Variants in SYT9 observed in about 807,000 individuals in gnomAD.
SYT9 encodes the protein synaptotagmin 9, also known as synaptotagmin-9.
In SYT9, 22 loss-of-function variants were observed where a neutral mutation model predicts 48.4. The ratio of observed to expected loss-of-function variants is 0.45; its 90% confidence interval spans 0.32 to 0.65. SYT9 has a LOEUF of 0.65. SYT9 is among the 30% of genes least tolerant of loss of function. The pLI is 0.03. For synonymous variants in SYT9, 265 were observed against 245.0 expected (o/e 1.08, Z -0.76); for missense variants, 577 against 622.0 (o/e 0.93, Z 0.77).
intron 1 of SYT9, among the ~76,000 whole-genome samples, chr11:7,268,624 G>A (rs1848236713): frequency 6.6e-6 from 1 of 151,828 alleles, no homozygotes; most frequent in Non-Finnish European, 1.5e-5. Flanking sequence ...TTTGGTTGTT[G>A]TTTTATATAT....
intron 6 of SYT9, among the ~76,000 whole-genome samples, chr11:7,422,032 C>T (rs573644526): frequency 6.6e-6 from 1 of 152,296 alleles, no homozygotes; most frequent in Admixed American, 6.5e-5. Flanking sequence ...GCGTGGGTTC[C>T]AGGCAGAGAG....
At chr11:7,354,862 G>A (rs1849986096) in intron 3 of SYT9, among the ~76,000 whole-genome samples, 1 of 152,046 alleles carries the variant, frequency 6.6e-6, no homozygotes, top group Non-Finnish European at 1.5e-5. Context: ...TTCACACAGT[G>A]ATGGCATTGC....
intron 3 of SYT9, among the ~76,000 whole-genome samples, chr11:7,321,039 T>A (rs1467060276): frequency 1.3e-5 from 2 of 152,026 alleles, no homozygotes; most frequent in Non-Finnish European, 2.9e-5. Flanking sequence ...ATCTCTTTCT[T>A]GGTGGTTGGC....
Position 7,443,892 on chromosome 11 carries a change from A to C in SYT9, c.1468-22900A>C, listed in dbSNP as rs149165960. ...ATTCAGGCAAGAGCTTAGCTTCTATAGAGAATTTGGTCATGATTGGATTCA... is the reference window on the plus strand; with the variant it reads ...ATTCAGGCAAGAGCTTAGCTTCTATCGAGAATTTGGTCATGATTGGATTCA... On this transcript the variant is annotated intron_variant, in intron 6 of 6. Coordinates refer to ENST00000318881, the MANE Select transcript of SYT9 (RefSeq NM_175733.4). Among the ~76,000 whole-genome samples, 7 of 152,362 alleles carry C rather than the reference A, an allele frequency of 4.6e-5. No individual in the cohort carries two copies. In the East Asian group the frequency reaches 1.3e-3, roughly 29 times the overall value.
At chr11:7,344,388 A>G (rs965768769) in intron 3 of SYT9, among the ~76,000 whole-genome samples, 2 of 149,446 alleles carry the variant, frequency 1.3e-5, no homozygotes, top group Admixed American at 6.6e-5. Flanking sequence ...AAAGAGAGAC[A>G]TTCTTAATTC....
intron 3 of SYT9, among the ~76,000 whole-genome samples, chr11:7,406,567 T>G (rs1310716424): frequency 7.5e-6 from 1 of 134,058 alleles, no homozygotes; most frequent in Non-Finnish European, 1.6e-5. Context: ...TATATATATA[T>G]AGCACATTTT....
Position 7,433,836 on chromosome 11 carries a change from A to C in SYT9, c.1467+13201A>C, listed in dbSNP as rs143641585. Among the ~76,000 whole-genome samples the C allele has an allele frequency of 2.1e-4, 32 of 152,328 alleles. No homozygotes were observed. The East Asian group carries it at 5.8e-3, about 28-fold the overall frequency. On this transcript the variant is annotated intron_variant, in intron 6 of 6. Coordinates refer to ENST00000318881, the MANE Select transcript of SYT9 (RefSeq NM_175733.4). Reference sequence around the variant, plus strand: ...GAGCAATAAATTTCTGTCATTTATAAATTATCCAATCTAAGATATTTTGTT... The same window carrying C: ...GAGCAATAAATTTCTGTCATTTATACATTATCCAATCTAAGATATTTTGTT...
chr11:7,377,213 A>G (rs1850470358), intron 3 of SYT9, among the ~76,000 whole-genome samples: 1 of 151,540 alleles, frequency 6.6e-6, no homozygotes, highest in Non-Finnish European at 1.5e-5. Context: ...GCACTGTTCT[A>G]GGAGGTGAGG....
At chr11:7,401,024 T>A (rs1846879601) in intron 3 of SYT9, among the ~76,000 whole-genome samples, 1 of 152,102 alleles carries the variant, frequency 6.6e-6, no homozygotes, top group African/African-American at 2.4e-5. Context: ...TTACTATTAT[T>A]TATTTGTGAA....
chr11:7,312,269 G>A (rs1053929206), intron 2 of SYT9, among the ~76,000 whole-genome samples: 8 of 152,258 alleles, frequency 5.3e-5, no homozygotes, highest in East Asian at 3.9e-4. Context: ...CCATTTTTAC[G>A]TCTTTATTTC....
intron 2 of SYT9, among the ~76,000 whole-genome samples, chr11:7,305,724 C>G (rs1386223738): frequency 2.0e-5 from 3 of 152,168 alleles, no homozygotes; most frequent in South Asian, 2.1e-4. Context: ...CCTGCCGACA[C>G]CGTCTTACTG....
intron 2 of SYT9, among the ~76,000 whole-genome samples, chr11:7,307,941 A>C (rs750144384): frequency 1.3e-5 from 2 of 152,232 alleles, no homozygotes; most frequent in Non-Finnish European, 2.9e-5. Flanking sequence ...ACACACCTCC[A>C]CTGGCCCCAA....
At chr11:7,413,820 A>G (rs1411690653) in intron 3 of SYT9, among the ~76,000 whole-genome samples, 1 of 146,364 alleles carries the variant, frequency 6.8e-6, no homozygotes, top group Non-Finnish European at 1.5e-5. Context: ...CTGTACTTGT[A>G]CTCCTGGGCC....
Position 7,313,475 on chromosome 11 carries a change from C to G in SYT9, c.578C>G (p.Thr193Ser). Residue 193 changes from threonine to serine, a missense_variant, in exon 3 of 7, where the codon ACT becomes AGT. Transcript: ENST00000318881. ...IQQLQKQEQLTGIGRIKPELY... is the reference protein window; with the variant it reads ...IQQLQKQEQLSGIGRIKPELY... ...CAGCTTCAAAAACAGGAACAGTTGA[C>G]TGGAATTGGTAGAATTAAACCAGAG... The G allele has an allele frequency of 1.9e-6, 3 of 1,614,098 alleles. No homozygotes were observed. Among genetic ancestry groups the G allele is most frequent in the Non-Finnish European group, 2.5e-6 (3 of 1,179,992 alleles).
chr11:7,243,668 G>A (rs1449817187), intron 1 of SYT9, among the ~76,000 whole-genome samples: 3 of 152,192 alleles, frequency 2.0e-5, no homozygotes, highest in African/African-American at 7.2e-5. Flanking sequence ...CTGAGTGTCA[G>A]TCGACCTGCT....
chr11:7,409,538 C>G (rs1411123742), intron 3 of SYT9, among the ~76,000 whole-genome samples: 1 of 152,114 alleles, frequency 6.6e-6, no homozygotes, highest in African/African-American at 2.4e-5. Flanking sequence ...ATTACTGATT[C>G]AATCTTGCTA....
At chr11:7,281,157 C>T (rs927160167) in intron 1 of SYT9, among the ~76,000 whole-genome samples, 1 of 152,188 alleles carries the variant, frequency 6.6e-6, no homozygotes, top group Non-Finnish European at 1.5e-5. Flanking sequence ...TACTCAGGCA[C>T]ATTTCTATAT....
intron 3 of SYT9, among the ~76,000 whole-genome samples, chr11:7,398,412 CTT>C (rs71059106): frequency 0.012 from 1,471 of 125,818 alleles, 21 homozygotes; most frequent in African/African-American, 0.036. Context: ...GTTTTCTTTT[CTT>C]TTTTTTTTTT....
Position 7,362,157 on chromosome 11 carries a change from T to C in SYT9, c.1044+48216T>C, listed in dbSNP as rs189469815. On this transcript the variant is annotated intron_variant, in intron 3 of 6. Transcript: ENST00000318881. ...ATTTTATTTTATTTTTTTTTTATTT[T>C]TTTTTGAGATGGAGTCTCCCTCTGT... 1.8e-3 allele frequency among the ~76,000 whole-genome samples: 268 copies of C among 151,286 alleles called. 1 individual carries two copies. The highest frequency in any genetic ancestry group is 4.0e-3 in the South Asian group (19 of 4,794).
Sources: allele counts gnomAD v4.1 joint callset (sites outside exome capture counted in the v4.1 genomes callset), GRCh38; gene constraint gnomAD v4.1.1; transcripts MANE v1.5; gene names NCBI Gene and HGNC (gene_info 2026-07-23, HGNC 2026-07-21).